CDH22: variants seen among roughly 807,000 people sequenced by gnomAD.
CDH22 encodes the protein cadherin 22, also known as cadherin-22.
In CDH22, 30 loss-of-function variants were observed where a neutral mutation model predicts 58.4. That is an observed-to-expected ratio of 0.51 (90% CI 0.38 to 0.70). The LOEUF (loss-of-function observed/expected upper bound fraction) is 0.70. Among genes scored for constraint, CDH22 ranks in the 30% least tolerant of loss-of-function variants. The probability of loss-of-function intolerance (pLI) is 0.00; values close to 1 mark genes in which losing one functional copy is unlikely to be tolerated. For missense variants in CDH22, 1,014 were observed against 1,233.9 expected (o/e 0.82, Z 2.67); for synonymous variants, 513 against 558.2 (o/e 0.92, Z 1.14).
At chr20:46,175,285 G>A (rs1004197709) in intron 11 of CDH22, among the ~76,000 whole-genome samples, 1 of 152,152 alleles carries the variant, frequency 6.6e-6, no homozygotes, top group Non-Finnish European at 1.5e-5. Context: ...TACCCATCTC[G>A]GGAGGTATGC....
At chr20:46,261,719 T>C (rs559556114) in intron 1 of CDH22, among the ~76,000 whole-genome samples, 1 of 152,304 alleles carries the variant, frequency 6.6e-6, no homozygotes, top group East Asian at 1.9e-4. Context: ...GAGCTCTCTG[T>C]GCTTGGCTGC....
chr20:46,198,649 A>G (rs1054404068), intron 8 of CDH22, among the ~76,000 whole-genome samples: 3 of 152,152 alleles, frequency 2.0e-5, no homozygotes, highest in African/African-American at 7.2e-5. Flanking sequence ...AATGCCTCCA[A>G]TGACTCTAAC....
At chr20:46,230,433 A>G (rs2086212777) in intron 3 of CDH22, among the ~76,000 whole-genome samples, 1 of 152,138 alleles carries the variant, frequency 6.6e-6, no homozygotes, top group South Asian at 2.1e-4. Context: ...ACTCCTGAAA[A>G]TCAACATGTG....
chr20:46,251,164 G>T lies in CDH22; in HGVS notation c.131C>A (p.Pro44Gln). The part of the protein sequence containing the change: ...GRLWAAGTPS[P>Q]SAPGARQDGA... Reference sequence around the variant, plus strand: ...GTCCTGCCGAGCTCCGGGCGCCGACGGCGAGGGTGTGCCCGCTGCCCACAG... The same window carrying T: ...GTCCTGCCGAGCTCCGGGCGCCGACTGCGAGGGTGTGCCCGCTGCCCACAG... The change falls in exon 2 of 12, where the codon CCG (proline) becomes CAG (glutamine). Residue 44 changes from proline (P) to glutamine (Q), a missense_variant. By Grantham distance (76) the Pro-to-Gln change is moderately conservative. This residue lies in a region of CDH22 where 806 missense variants were observed against 1,038.7 expected (regional missense o/e 0.78). Transcript: ENST00000537909. The surrounding 1 kb of genome is among the most constrained non-coding windows in gnomAD (Gnocchi z 6.7). The T allele has an allele frequency of 1.3e-6, 2 of 1,585,228 alleles. No homozygotes were observed. The highest frequency in any genetic ancestry group is 1.7e-6 in the Non-Finnish European group (2 of 1,167,090).
chr20:46,268,917 C>G (rs925684600), intron 1 of CDH22, among the ~76,000 whole-genome samples: 8 of 152,240 alleles, frequency 5.3e-5, no homozygotes, highest in Non-Finnish European at 1.0e-4. Context: ...CTCTGGCATA[C>G]TCCTTCTTTC....
intron 8 of CDH22, among the ~76,000 whole-genome samples, chr20:46,188,723 T>C (rs1003650576): frequency 6.6e-6 from 1 of 152,178 alleles, no homozygotes; most frequent in African/African-American, 2.4e-5. Context: ...AGCAGTGCCC[T>C]GAATGTTGGT....
intron 1 of CDH22, among the ~76,000 whole-genome samples, chr20:46,299,858 C>G (rs1232455553): frequency 1.3e-5 from 2 of 152,160 alleles, no homozygotes; most frequent in Non-Finnish European, 2.9e-5. Flanking sequence ...AGGCAGTTCT[C>G]TCAACAGCAC....
At chr20:46,271,227 T>C (rs2425832) in intron 1 of CDH22, among the ~76,000 whole-genome samples, 151,480 of 152,312 alleles carry the variant, frequency 0.99, 75,331 homozygotes, top group Middle Eastern at 1. Flanking sequence ...TCCCATTTTA[T>C]AGATGAGGAA....
intron 10 of CDH22, 88 bp downstream of exon 10, chr20:46,186,500 G>A: frequency 1.1e-6 from 1 of 931,142 alleles, no homozygotes; most frequent in South Asian, 1.5e-5. Context: ...AGGCCCTGTG[G>A]GCGCCTCCGT....
intron 7 of CDH22, among the ~76,000 whole-genome samples, chr20:46,200,272 GC>G (rs1395238520): frequency 2.0e-5 from 3 of 151,486 alleles, no homozygotes; most frequent in Non-Finnish European, 2.9e-5. Context: ...ACCGCGCCCG[GC>G]CCTCTTTTCT....
intron 6 of CDH22, among the ~76,000 whole-genome samples, chr20:46,212,621 TCTCAGTTATAAAAATGAGGATAGTAAC>T (rs1387540949): frequency 6.6e-6 from 1 of 152,200 alleles, no homozygotes; most frequent in African/African-American, 2.4e-5. Context: ...GCATCTATTT[TCTCAGTTATAAAAATGAGGATAGTAAC>T]CTCAGCTTCA....
chr20:46,262,282 A>T (rs1431613757), intron 1 of CDH22, among the ~76,000 whole-genome samples: 1 of 151,938 alleles, frequency 6.6e-6, no homozygotes, highest in Non-Finnish European at 1.5e-5. Context: ...TTGGTAGCTG[A>T]ACATCACCCA....
At chr20:46,283,208 T>C (rs967178076) in intron 1 of CDH22, among the ~76,000 whole-genome samples, 1 of 151,946 alleles carries the variant, frequency 6.6e-6, no homozygotes, top group Admixed American at 6.6e-5. Flanking sequence ...CAAGCTCGAG[T>C]TGGGGTTGGA....
chr20:46,210,671 G>T lies in CDH22; in HGVS notation c.1033-111C>A. 1 of 1,024,704 alleles carries T rather than the reference G, an allele frequency of 9.8e-7. No homozygotes were observed. Among genetic ancestry groups the T allele is most frequent in the Non-Finnish European group, 1.3e-6 (1 of 752,614 alleles). 63.5% of individuals were successfully genotyped at this position (1,024,704 alleles called of 1,614,324 possible). ...TGGCCCAAGGTCACACGTTGTCTCAGCAGGGGCGGCAGGGATGTTTGGGCT... is the reference window on the plus strand; with the variant it reads ...TGGCCCAAGGTCACACGTTGTCTCATCAGGGGCGGCAGGGATGTTTGGGCT... On this transcript the variant is annotated intron_variant, in intron 6 of 11. Transcript: ENST00000537909. This position sits in a 1 kb window ranked among gnomAD's most constrained non-coding sequence, Gnocchi z 4.5.
intron 10 of CDH22, among the ~76,000 whole-genome samples, chr20:46,180,472 T>C (rs746391688): frequency 2.6e-5 from 4 of 152,154 alleles, no homozygotes; most frequent in Admixed American, 2.6e-4. Context: ...AAAATCTGCC[T>C]TCTGCAGGGG....
intron 7 of CDH22, among the ~76,000 whole-genome samples, chr20:46,205,974 C>T (rs1346038122): frequency 6.6e-6 from 1 of 152,204 alleles, no homozygotes; most frequent in African/African-American, 2.4e-5. Flanking sequence ...TTGGGGCAAA[C>T]CTCTGTCACT....
At chr20:46,214,957 G>A (rs1329424289) in intron 5 of CDH22, among the ~76,000 whole-genome samples, 2 of 152,250 alleles carry the variant, frequency 1.3e-5, no homozygotes, top group African/African-American at 4.8e-5. Flanking sequence ...ATGTGTGAGG[G>A]ACTAGTGAGT....
intron 3 of CDH22, among the ~76,000 whole-genome samples, chr20:46,236,229 G>T (rs1032290363): frequency 6.6e-6 from 1 of 151,804 alleles, no homozygotes; most frequent in Non-Finnish European, 1.5e-5. Flanking sequence ...CAGAAACGCT[G>T]GGGGGGACAA....
At chr20:46,293,510 G>C (rs1453786601) in intron 1 of CDH22, among the ~76,000 whole-genome samples, 1 of 152,042 alleles carries the variant, frequency 6.6e-6, no homozygotes, top group Non-Finnish European at 1.5e-5. Context: ...TGGGGGTAGG[G>C]GGAGAACTTT....
Sources: gnomAD v4.1 joint callset for allele counts (sites outside exome capture counted in the v4.1 genomes callset) on GRCh38, gnomAD v4.1.1 for gene constraint, gnomAD v4.1.1 regional missense constraint, Gnocchi (gnomAD v3.1) non-coding constraint, MANE v1.5 for transcripts, NCBI Gene and HGNC (gene_info 2026-07-23, HGNC 2026-07-21) for gene names.